The following FILIP1L variants were observed in gnomAD, a reference collection of about 807,000 sequenced individuals.
FILIP1L encodes the protein filamin A interacting protein 1 like, also known as filamin A-interacting protein 1-like.
In FILIP1L, 55 loss-of-function variants were observed where a neutral mutation model predicts 96.6. The observed-to-expected ratio is 0.57, with a 90% CI of 0.46 to 0.71. The LOEUF (loss-of-function observed/expected upper bound fraction) is 0.71, where lower values mean the gene tolerates loss of function less well. Ranked by LOEUF, FILIP1L falls within the 30% of genes least tolerant of loss-of-function variation. The pLI is 0.00. For synonymous variants in FILIP1L, 467 were observed against 473.9 expected (o/e 0.99, Z 0.19); for missense variants, 1,304 against 1,321.2 (o/e 0.99, Z 0.20).
intron 1 of FILIP1L, among the ~76,000 whole-genome samples, chr3:100,102,541 G>A (rs1414698518): frequency 1.3e-5 from 2 of 152,128 alleles, no homozygotes; most frequent in East Asian, 1.9e-4. Flanking sequence ...TACGTCTCTT[G>A]TAACACTTTT....
At chr3:99,953,898 C>T (rs559103955) in intron 1 of FILIP1L, among the ~76,000 whole-genome samples, 70 of 152,246 alleles carry the variant, frequency 4.6e-4, no homozygotes, top group Non-Finnish European at 7.1e-4. Flanking sequence ...CCAAGGCATA[C>T]CTCCCACACT....
At chr3:100,112,467 G>A (rs925583161) in intron 1 of FILIP1L, among the ~76,000 whole-genome samples, 2 of 152,032 alleles carry the variant, frequency 1.3e-5, no homozygotes, top group African/African-American at 4.8e-5. Flanking sequence ...CAGTGCCAGC[G>A]CCACTACCTA....
At chr3:99,930,687 T>C in intron 2 of FILIP1L, 82 bp downstream of exon 2, 1 of 1,419,812 alleles carries the variant, frequency 7.0e-7, no homozygotes. Flanking sequence ...CACAGATATC[T>C]ATTTCTGTGG....
chr3:99,975,788 T>C (rs1302643460), intron 1 of FILIP1L, among the ~76,000 whole-genome samples: 1 of 152,180 alleles, frequency 6.6e-6, no homozygotes, highest in Non-Finnish European at 1.5e-5. Flanking sequence ...AATTGAAAAG[T>C]CGTGTATATG....
intron 1 of FILIP1L, among the ~76,000 whole-genome samples, chr3:99,939,753 T>C: frequency 6.6e-6 from 1 of 152,224 alleles, no homozygotes; most frequent in Non-Finnish European, 1.5e-5. Context: ...CACATGCATG[T>C]TTCTTGATAC....
chr3:100,051,682 G>A (rs1433437642), intron 1 of FILIP1L, among the ~76,000 whole-genome samples: 2 of 151,702 alleles, frequency 1.3e-5, no homozygotes, highest in Non-Finnish European at 2.9e-5. Context: ...CAAAGGACAT[G>A]AACTCATCCT....
chr3:100,098,630 C>T (rs144504671), intron 1 of FILIP1L, among the ~76,000 whole-genome samples: 2 of 152,300 alleles, frequency 1.3e-5, no homozygotes, highest in African/African-American at 4.8e-5. Flanking sequence ...GCATATATTT[C>T]TTCCCTACTG....
intron 1 of FILIP1L, among the ~76,000 whole-genome samples, chr3:100,012,123 A>T (rs1225696505): frequency 6.6e-6 from 1 of 152,238 alleles, no homozygotes; most frequent in African/African-American, 2.4e-5. Context: ...CAACCTAAAA[A>T]ATGCAAAATG....
chr3:99,989,307 G>C (rs1453686159), intron 1 of FILIP1L, among the ~76,000 whole-genome samples: 1 of 152,216 alleles, frequency 6.6e-6, no homozygotes, highest in African/African-American at 2.4e-5. Context: ...TTGACTGCAT[G>C]TCTAGGATTC....
At chr3:99,891,950 A>G (rs1456408536) in intron 4 of FILIP1L, among the ~76,000 whole-genome samples, 2 of 152,224 alleles carry the variant, frequency 1.3e-5, no homozygotes, top group African/African-American at 2.4e-5. Flanking sequence ...TGATTCACTA[A>G]CACTTATTAG....
chr3:99,843,252 A>G (rs1022844018), intron 5 of FILIP1L, among the ~76,000 whole-genome samples: 1 of 152,230 alleles, frequency 6.6e-6, no homozygotes, highest in African/African-American at 2.4e-5. Flanking sequence ...TGAGAGAGAA[A>G]CAGACCTTGT....
At chr3:100,010,768 C>T (rs577037840) in intron 1 of FILIP1L, among the ~76,000 whole-genome samples, 4 of 145,586 alleles carry the variant, frequency 2.7e-5, no homozygotes, top group African/African-American at 7.6e-5. Context: ...GTGCGCGCCT[C>T]CACGCCCGGA....
intron 4 of FILIP1L, among the ~76,000 whole-genome samples, chr3:99,923,684 C>G (rs1707194922): frequency 6.6e-6 from 1 of 152,208 alleles, no homozygotes. Context: ...AGTTGTTCCT[C>G]CATGTTCCCT....
At chr3:99,856,473 C>T (rs1943972024) in intron 4 of FILIP1L, among the ~76,000 whole-genome samples, 3 of 152,184 alleles carry the variant, frequency 2.0e-5, no homozygotes, top group Admixed American at 2.0e-4. Context: ...TAGGAACATT[C>T]AGTGAATCCG....
rs556884796 is a variant in FILIP1L at position 100,045,198 on chromosome 3, G to A, written c.-11+68855C>T. ...AATATGACCTCTCGAAGCCTTAGTT[G>A]TTGCATCTATAACTTGGAAGTAATG... On this transcript the variant is annotated intron_variant, in intron 1 of 5. Coordinates refer to ENST00000477258, the MANE Select transcript of FILIP1L (RefSeq NM_001387850.1). 1.8e-4 allele frequency among the ~76,000 whole-genome samples: 27 copies of A among 152,336 alleles called. No individual in the cohort carries two copies. In the South Asian group the frequency reaches 3.1e-3, roughly 18 times the overall value.
intron 4 of FILIP1L, among the ~76,000 whole-genome samples, chr3:99,865,328 A>G (rs1284798655): frequency 1.3e-5 from 2 of 152,174 alleles, no homozygotes. Context: ...TTCTCACCCC[A>G]TTACATACAT....
At chr3:100,096,719 A>G (rs751651506) in intron 1 of FILIP1L, among the ~76,000 whole-genome samples, 1 of 152,108 alleles carries the variant, frequency 6.6e-6, no homozygotes, top group South Asian at 2.1e-4. Context: ...CAGAGTGACT[A>G]CAGTCAAATT....
Position 99,992,107 on chromosome 3 carries a change from G to A in FILIP1L, c.-10-61077C>T, listed in dbSNP as rs188883265. On this transcript the variant is annotated intron_variant, in intron 1 of 5. Transcript: ENST00000477258. ...AGGTTAATTCTGTATCTTTGCTATT[G>A]TGCATTGTGCTGTGATAAAAATACA... Among the ~76,000 whole-genome samples the A allele has an allele frequency of 6.1e-3, 921 of 151,320 alleles. 10 individuals carry two copies. The highest frequency in any genetic ancestry group is 0.021 in the African/African-American group (855 of 41,270).
At chr3:99,856,038 A>G (rs1308634178) in intron 4 of FILIP1L, among the ~76,000 whole-genome samples, 2 of 152,206 alleles carry the variant, frequency 1.3e-5, no homozygotes, top group African/African-American at 2.4e-5. Flanking sequence ...CCTCAGCTGA[A>G]GAAACAAGGC....
Sources: allele counts gnomAD v4.1 joint callset (sites outside exome capture counted in the v4.1 genomes callset), GRCh38; gene constraint gnomAD v4.1.1; transcripts MANE v1.5; gene names NCBI Gene and HGNC (gene_info 2026-07-23, HGNC 2026-07-21).